TDRD3: variants seen among roughly 807,000 people sequenced by gnomAD.
TDRD3 encodes the protein tudor domain containing 3.
In TDRD3, 45 loss-of-function variants were observed where a neutral mutation model predicts 86.7. The observed-to-expected ratio is 0.52, with a 90% CI of 0.41 to 0.67. The LOEUF (loss-of-function observed/expected upper bound fraction) is 0.67, where lower values mean the gene tolerates loss of function less well. TDRD3 is among the 30% of genes least tolerant of loss of function. TDRD3 has a pLI of 0.00. For missense variants in TDRD3, 814 were observed against 889.0 expected (o/e 0.92, Z 1.07); for synonymous variants, 298 against 301.7 (o/e 0.99, Z 0.13).
chr13:60,504,133 C>T (rs1956888310), intron 8 of TDRD3, among the ~76,000 whole-genome samples: 1 of 151,966 alleles, frequency 6.6e-6, no homozygotes. Flanking sequence ...GCTTAATTAC[C>T]TCTAGGTTTA....
intron 1 of TDRD3, among the ~76,000 whole-genome samples, chr13:60,397,948 C>T (rs1386363757): frequency 6.6e-6 from 1 of 152,184 alleles, no homozygotes; most frequent in Admixed American, 6.5e-5. Flanking sequence ...ACAGTGTGGA[C>T]CAGTGTGAAT....
At chr13:60,544,162 T>C (rs974542605) in intron 12 of TDRD3, among the ~76,000 whole-genome samples, 30 of 151,946 alleles carry the variant, frequency 2.0e-4, no homozygotes, top group Admixed American at 1.8e-3. Flanking sequence ...TCAAAAAAAG[T>C]GTTGGGTTGG....
intron 1 of TDRD3, among the ~76,000 whole-genome samples, chr13:60,417,385 CTG>C (rs1954551162): frequency 6.9e-6 from 1 of 144,990 alleles, no homozygotes; most frequent in African/African-American, 2.5e-5. Context: ...GAGTCTCACT[CTG>C]TTGCCCAGGC....
intron 12 of TDRD3, chr13:60,537,766 C>A (rs1196871711): frequency 2.0e-5 from 3 of 151,938 alleles, no homozygotes; most frequent in African/African-American, 7.2e-5. Flanking sequence ...ATGTGCACTA[C>A]AATTTTTTTT....
chr13:60,547,665 C>T (rs1254567679), intron 12 of TDRD3, among the ~76,000 whole-genome samples: 1 of 152,138 alleles, frequency 6.6e-6, no homozygotes, highest in African/African-American at 2.4e-5. Flanking sequence ...CTCAAATATC[C>T]CTTTTTAAAG....
At chr13:60,555,821 A>T (rs1958168765) in intron 12 of TDRD3, among the ~76,000 whole-genome samples, 2 of 150,622 alleles carry the variant, frequency 1.3e-5, no homozygotes, top group Non-Finnish European at 3.0e-5. Context: ...TATTTTACAT[A>T]GGGTAGGAAA....
At chr13:60,463,526 T>G (rs1383650115) in intron 4 of TDRD3, among the ~76,000 whole-genome samples, 1 of 151,746 alleles carries the variant, frequency 6.6e-6, no homozygotes, top group East Asian at 1.9e-4. Context: ...TAAATCAAAC[T>G]AAAAAGCTTC....
chr13:60,463,671 AAAAC>A lies in TDRD3; in HGVS notation c.353+3135_353+3138del, dbSNP rs1323849082. Among the ~76,000 whole-genome samples, 6 of 152,166 alleles carry A rather than the reference AAAAC, an allele frequency of 3.9e-5. No individual in the cohort carries two copies. In the South Asian group the frequency reaches 6.2e-4, roughly 16 times the overall value. On this transcript the variant is annotated intron_variant, in intron 4 of 13. Transcript: ENST00000377881. The stretch of plus-strand genomic sequence containing the variant: ...AGCTCAAATAATAGCAAAAAACAAA[AAAAC>A]AAAAAATCCAATTAAAAATTGATAA...
intron 8 of TDRD3, among the ~76,000 whole-genome samples, chr13:60,497,061 T>C (rs1956733600): frequency 6.6e-6 from 1 of 152,292 alleles, no homozygotes; most frequent in South Asian, 2.1e-4. Flanking sequence ...CAATGGCAAG[T>C]CTTTAGCCTG....
intron 12 of TDRD3, among the ~76,000 whole-genome samples, chr13:60,538,670 A>ACGTTTT (rs774360701): frequency 1.2e-4 from 18 of 152,178 alleles, no homozygotes; most frequent in Non-Finnish European, 2.4e-4. Context: ...AGGGGCAAAG[A>ACGTTTT]AAACCTGCTA....
At chr13:60,448,823 T>A (rs1000655166) in intron 3 of TDRD3, among the ~76,000 whole-genome samples, 5 of 152,186 alleles carry the variant, frequency 3.3e-5, no homozygotes, top group African/African-American at 9.6e-5. Context: ...AATTTTAATA[T>A]TTTGCTGTAG....
At chr13:60,443,800 T>A (rs1333454441) in intron 2 of TDRD3, among the ~76,000 whole-genome samples, 1 of 151,906 alleles carries the variant, frequency 6.6e-6, no homozygotes, top group Non-Finnish European at 1.5e-5. Flanking sequence ...TACTATATTA[T>A]AAGGAAAAAT....
chr13:60,559,270 A>G (rs1216921869), intron 12 of TDRD3, among the ~76,000 whole-genome samples: 5 of 152,162 alleles, frequency 3.3e-5, no homozygotes, highest in Non-Finnish European at 5.9e-5. Flanking sequence ...TAACGTGCCT[A>G]TGATGTGGTA....
rs561718502 is a variant in TDRD3 at position 60,556,017 on chromosome 13, A to ATTTTTT, written c.2119-11506_2119-11505insTTTTTT. Among the ~76,000 whole-genome samples, 749 of 152,058 alleles carry ATTTTTT rather than the reference A, an allele frequency of 4.9e-3. 3 individuals are homozygous for ATTTTTT. Among genetic ancestry groups the ATTTTTT allele is most frequent in the Middle Eastern group, 0.024 (7 of 294 alleles). ...AGGCGCCCGCCACCATGCCCAGCTA[A>ATTTTTT]TTGTATTTTTAGTAGAGACGGGCTT... On this transcript the variant is annotated intron_variant, in intron 12 of 13. Coordinates refer to ENST00000377881, the MANE Select transcript of TDRD3 (RefSeq NM_001146070.2).
rs1467144361 is a variant in TDRD3, at chr13:60,494,493, C to A, written c.776C>A (p.Ala259Asp). Residue 259 changes from alanine to aspartate, a missense_variant, in exon 8 of 14, where the codon GCT becomes GAT. Transcript: ENST00000377881. ...AGAAGTAATCTCAATATGAATGCTGCTGGTAACCGAAATAGGGAAGTTTTA... is the reference window on the plus strand; with the variant it reads ...AGAAGTAATCTCAATATGAATGCTGATGGTAACCGAAATAGGGAAGTTTTA... ...GARSNLNMNAAGNRNREVLQK... is the reference protein window; with the variant it reads ...GARSNLNMNADGNRNREVLQK... The A allele has an allele frequency of 6.2e-7, 1 of 1,613,674 alleles. No individual in the cohort carries two copies. Among genetic ancestry groups the A allele is most frequent in the Non-Finnish European group, 8.5e-7 (1 of 1,179,804 alleles).
chr13:60,543,526 G>T (rs1476913072), intron 12 of TDRD3, among the ~76,000 whole-genome samples: 1 of 151,906 alleles, frequency 6.6e-6, no homozygotes, highest in African/African-American at 2.4e-5. Context: ...ATTATACAAT[G>T]TCTACAGGAA....
intron 1 of TDRD3, among the ~76,000 whole-genome samples, chr13:60,415,980 C>T (rs1954500014): frequency 6.6e-6 from 1 of 152,052 alleles, no homozygotes; most frequent in African/African-American, 2.4e-5. Flanking sequence ...TGTCTCCTTC[C>T]CCTATTTAAA....
chr13:60,549,861 C>A (rs1958009618), intron 12 of TDRD3, among the ~76,000 whole-genome samples: 1 of 151,708 alleles, frequency 6.6e-6, no homozygotes, highest in African/African-American at 2.4e-5. Context: ...TTTTTCATGA[C>A]AAAGTGTTGT....
At chr13:60,552,329 C>T (rs1346129943) in intron 12 of TDRD3, among the ~76,000 whole-genome samples, 1 of 152,254 alleles carries the variant, frequency 6.6e-6, no homozygotes, top group Non-Finnish European at 1.5e-5. Flanking sequence ...CCTGGCAGGG[C>T]ACTCATGAAA....
Sources: allele counts gnomAD v4.1 joint callset (sites outside exome capture counted in the v4.1 genomes callset), GRCh38; gene constraint gnomAD v4.1.1; transcripts MANE v1.5; gene names NCBI Gene and HGNC (gene_info 2026-07-23, HGNC 2026-07-21).